Variants in LARGE1 observed in about 807,000 individuals in gnomAD.
LARGE1 encodes the protein LARGE xylosyl- and glucuronyltransferase 1.
LARGE1 carries 43 observed loss-of-function variants against 87.6 expected under a neutral mutation model. The ratio of observed to expected loss-of-function variants is 0.49; its 90% CI spans 0.38 to 0.63. The LOEUF (loss-of-function observed/expected upper bound fraction) is 0.63. Among genes scored for constraint, LARGE1 ranks in the 30% least tolerant of loss-of-function variants. The pLI is 0.00. For synonymous variants in LARGE1, 434 were observed against 394.6 expected (o/e 1.10, Z -1.18); for missense variants, 802 against 1,000.2 (o/e 0.80, Z 2.67).
intron 5 of LARGE1, among the ~76,000 whole-genome samples, chr22:33,596,666 T>C (rs548156797): frequency 2.6e-5 from 4 of 152,084 alleles, no homozygotes; most frequent in Admixed American, 2.6e-4. Context: ...GCAGTCATTG[T>C]TGGAGGAGAA....
chr22:33,611,304 G>A (rs901199652), intron 4 of LARGE1, among the ~76,000 whole-genome samples: 1 of 152,236 alleles, frequency 6.6e-6, no homozygotes, highest in Non-Finnish European at 1.5e-5. Context: ...GCAGCTGCAG[G>A]GGCTGTACAC....
At chr22:33,243,540 T>C (rs991798775) in intron 11 of LARGE1, among the ~76,000 whole-genome samples, 4 of 152,390 alleles carry the variant, frequency 2.6e-5, no homozygotes, top group Admixed American at 2.0e-4. Context: ...GTAAATGTAA[T>C]GCCTGTGAGA....
At chr22:33,138,843 G>T in the LARGE1 span, among the ~76,000 whole-genome samples, 1 of 152,242 alleles carries the variant, frequency 6.6e-6, no homozygotes, top group African/African-American at 2.4e-5. Context: ...CATGAAGTTT[G>T]GGAGGGGCCA....
At chr22:33,213,721 T>C (rs1925067925) in intron 11 of LARGE1, among the ~76,000 whole-genome samples, 1 of 152,270 alleles carries the variant, frequency 6.6e-6, no homozygotes, top group South Asian at 2.1e-4. Context: ...TTTTAAAATA[T>C]AATGCAATTG....
chr22:33,389,890 C>T (rs7291942), intron 7 of LARGE1, among the ~76,000 whole-genome samples: 1 of 115,004 alleles, frequency 8.7e-6, no homozygotes, highest in Non-Finnish European at 1.7e-5. Context: ...AACCAACCAA[C>T]CAAACAAAAA....
At chr22:33,719,555 CTGT>C (rs1331356759) in intron 2 of LARGE1, among the ~76,000 whole-genome samples, 26 of 151,634 alleles carry the variant, frequency 1.7e-4, no homozygotes, top group African/African-American at 6.1e-4. Flanking sequence ...GAGTCTCACT[CTGT>C]CACCCAGGCT....
chr22:33,615,027 T>C (rs1003291434), intron 4 of LARGE1, among the ~76,000 whole-genome samples: 6 of 152,226 alleles, frequency 3.9e-5, no homozygotes, highest in African/African-American at 1.4e-4. Flanking sequence ...ACCACAGTTC[T>C]GAGGAGGCCA....
chr22:33,272,508 C>T (rs989487165), downstream of LARGE1, among the ~76,000 whole-genome samples: 1 of 152,168 alleles, frequency 6.6e-6, no homozygotes, highest in South Asian at 2.1e-4. Flanking sequence ...TTGACATGTA[C>T]TTTCAAAATT....
intron 2 of LARGE1, among the ~76,000 whole-genome samples, chr22:33,680,222 C>T (rs1269837399): frequency 2.6e-5 from 4 of 152,126 alleles, no homozygotes; most frequent in Admixed American, 2.0e-4. Flanking sequence ...CGAGATGGTC[C>T]GTTCCAGGGA....
intron 1 of LARGE1, among the ~76,000 whole-genome samples, chr22:33,876,922 AG>A (rs1211854886): frequency 6.6e-6 from 1 of 150,868 alleles, no homozygotes; most frequent in East Asian, 1.9e-4. Flanking sequence ...TCCTCGGCTC[AG>A]GGAAAGAACT....
At chr22:33,777,404 G>A (rs1265623121) in intron 1 of LARGE1, among the ~76,000 whole-genome samples, 7 of 152,100 alleles carry the variant, frequency 4.6e-5, no homozygotes, top group African/African-American at 1.7e-4. Context: ...TCGGGAGGCT[G>A]AGATTGGATG....
intron 11 of LARGE1, among the ~76,000 whole-genome samples, chr22:33,237,104 C>A (rs1226250216): frequency 6.6e-6 from 1 of 152,146 alleles, no homozygotes; most frequent in Non-Finnish European, 1.5e-5. Context: ...GGAGATTATG[C>A]AGCTTGGTCT....
At chr22:33,452,465 T>C (rs2067970545) in intron 6 of LARGE1, among the ~76,000 whole-genome samples, 1 of 152,178 alleles carries the variant, frequency 6.6e-6, no homozygotes, top group Non-Finnish European at 1.5e-5. Flanking sequence ...AAGGGGCCCA[T>C]GGCAGGCCTG....
chr22:33,898,130 C>T (rs939519858), intron 1 of LARGE1, among the ~76,000 whole-genome samples: 17 of 152,210 alleles, frequency 1.1e-4, no homozygotes, highest in Admixed American at 1.1e-3. Context: ...TCTTTGGCGG[C>T]CCACAGGCCC....
At chr22:33,526,981 G>T (rs2071931209) in intron 6 of LARGE1, among the ~76,000 whole-genome samples, 1 of 152,244 alleles carries the variant, frequency 6.6e-6, no homozygotes, top group African/African-American at 2.4e-5. Flanking sequence ...TTCCGGCTGG[G>T]TGCAGTGGCA....
At chr22:33,248,384 G>T (rs1926865965) in intron 11 of LARGE1, among the ~76,000 whole-genome samples, 1 of 152,058 alleles carries the variant, frequency 6.6e-6, no homozygotes, top group Admixed American at 6.6e-5. Context: ...TAGAGAGGGG[G>T]TTTCACCATC....
chr22:33,521,225 A>T (rs2071574755), intron 6 of LARGE1, among the ~76,000 whole-genome samples: 1 of 152,278 alleles, frequency 6.6e-6, no homozygotes, highest in Admixed American at 6.5e-5. Context: ...CTGTGTAACA[A>T]GTAATCCTCA....
At chr22:33,212,784 G>A (rs549850412) in intron 11 of LARGE1, among the ~76,000 whole-genome samples, 7 of 152,180 alleles carry the variant, frequency 4.6e-5, no homozygotes, top group South Asian at 2.1e-4. Flanking sequence ...TTGGGAGGCC[G>A]AGACAGGTGG....
At chr22:33,081,744 A>G in the LARGE1 span, among the ~76,000 whole-genome samples, 2 of 152,206 alleles carry the variant, frequency 1.3e-5, no homozygotes, top group African/African-American at 4.8e-5. Flanking sequence ...CTAGACTGGG[A>G]ACATCTGACA....
Sources: allele counts gnomAD v4.1 joint callset (sites outside exome capture counted in the v4.1 genomes callset), GRCh38; gene constraint gnomAD v4.1.1; transcripts MANE v1.5; gene names NCBI Gene and HGNC (gene_info 2026-07-23, HGNC 2026-07-21).